Variants in PITPNC1 observed in about 807,000 individuals in gnomAD.
PITPNC1 encodes cytoplasmic phosphatidylinositol transfer protein 1.
A neutral mutation model predicts 44.7 loss-of-function variants in PITPNC1; 18 were observed. The observed-to-expected ratio is 0.40, with a 90% confidence interval of 0.28 to 0.60. The LOEUF (loss-of-function observed/expected upper bound fraction) is 0.60. Ranked by LOEUF, PITPNC1 falls within the 20% of genes least tolerant of loss-of-function variation. The pLI is 0.39. For synonymous variants in PITPNC1, 141 were observed against 149.6 expected, an observed-to-expected ratio of 0.94 and a Z score of 0.42; for missense variants, 290 against 418.4, an observed-to-expected ratio of 0.69 and a Z score of 2.68.
chr17:67,378,067 G>A lies in PITPNC1; in HGVS notation c.-88G>A. ...TCCGGCTCCGAGCGCCGGGCTCCGG[G>A]CGCCCTGCCCTGCGCCTGGGCAGCA... On this transcript the variant is annotated 5_prime_UTR_variant, in exon 1 of 9. Transcript: ENST00000581322. The A allele has an allele frequency of 1.3e-6, 1 of 799,246 alleles. No individual in the cohort carries two copies. The highest frequency in any genetic ancestry group is 1.8e-6 in the Non-Finnish European group (1 of 553,426). The allele number at this position is 799,246 out of a possible 1,614,324, so 49.5% of individuals were successfully genotyped here. A position where few individuals can be genotyped will look rare whatever the true frequency, so the allele number is the denominator to read the frequency against.
At chr17:67,422,083 C>T (rs1348089097) in intron 1 of PITPNC1, among the ~76,000 whole-genome samples, 2 of 152,124 alleles carry the variant, frequency 1.3e-5, no homozygotes, top group Non-Finnish European at 2.9e-5. Flanking sequence ...GGAAGTATGA[C>T]TCAATTGTGA....
At chr17:67,447,440 GTCTC>G (rs892323071) in intron 1 of PITPNC1, among the ~76,000 whole-genome samples, 1 of 151,912 alleles carries the variant, frequency 6.6e-6, no homozygotes, top group Non-Finnish European at 1.5e-5. Context: ...CTAGCTCCGG[GTCTC>G]TCTCTCTTTT....
intron 1 of PITPNC1, among the ~76,000 whole-genome samples, chr17:67,403,037 G>T (rs1241275199): frequency 6.6e-6 from 1 of 152,040 alleles, no homozygotes; most frequent in Admixed American, 6.6e-5. Flanking sequence ...TGGCAGATGT[G>T]ATAAGCATGC....
intron 5 of PITPNC1, among the ~76,000 whole-genome samples, chr17:67,622,256 CAA>C (rs536282843): frequency 1.1e-4 from 10 of 91,748 alleles, no homozygotes; most frequent in Admixed American, 2.4e-4. Flanking sequence ...GACTGCATCT[CAA>C]AAAAAAAAAA....
At chr17:67,621,923 C>G (rs1218643006) in intron 5 of PITPNC1, among the ~76,000 whole-genome samples, 2 of 152,050 alleles carry the variant, frequency 1.3e-5, no homozygotes, top group African/African-American at 4.8e-5. Flanking sequence ...TTGAGACGCA[C>G]CTGGGCAATG....
At chr17:67,532,544 T>C (rs2144128206) in intron 1 of PITPNC1, among the ~76,000 whole-genome samples, 1 of 152,182 alleles carries the variant, frequency 6.6e-6, no homozygotes, top group East Asian at 1.9e-4. Context: ...CTGCCAAAGC[T>C]TACAGACTGC....
chr17:67,515,376 G>A (rs2040246753), intron 1 of PITPNC1, among the ~76,000 whole-genome samples: 1 of 152,224 alleles, frequency 6.6e-6, no homozygotes, highest in Admixed American at 6.5e-5. Context: ...CCACAGAGGA[G>A]TTTGTGGTCT....
chr17:67,585,630 C>G (rs2041304166), intron 5 of PITPNC1, among the ~76,000 whole-genome samples: 1 of 152,022 alleles, frequency 6.6e-6, no homozygotes, highest in African/African-American at 2.4e-5. Context: ...TGGCAAAACC[C>G]CATCTGTACA....
At chr17:67,608,942 A>G (rs912035190) in intron 5 of PITPNC1, among the ~76,000 whole-genome samples, 5 of 152,116 alleles carry the variant, frequency 3.3e-5, no homozygotes, top group Non-Finnish European at 7.4e-5. Context: ...GGAATTCTGT[A>G]TTAGCAATAC....
chr17:67,691,032 G>A lies in PITPNC1; in HGVS notation c.683-1540G>A, dbSNP rs1402484661. 3.9e-5 allele frequency among the ~76,000 whole-genome samples: 6 copies of A among 152,240 alleles called. No individual in the cohort carries two copies. In the East Asian group the frequency reaches 1.2e-3, roughly 29 times the overall value. On this transcript the variant is annotated intron_variant, in intron 8 of 8. Coordinates refer to ENST00000581322, the MANE Select transcript of PITPNC1 (RefSeq NM_012417.4). Reference sequence around the variant, plus strand: ...GCAGGAGAATTACTTGAACCCAGGAGGTGGAGGTTGCAGTGAGCCAAGATC... The same window carrying A: ...GCAGGAGAATTACTTGAACCCAGGAAGTGGAGGTTGCAGTGAGCCAAGATC...
At chr17:67,644,645 G>A (rs940502381) in intron 6 of PITPNC1, among the ~76,000 whole-genome samples, 1 of 152,000 alleles carries the variant, frequency 6.6e-6, no homozygotes, top group African/African-American at 2.4e-5. Flanking sequence ...ACGTTGGTCA[G>A]GCTGCTCTCG....
At chr17:67,687,086 C>G (rs1308013616) in intron 8 of PITPNC1, 1 of 1,607,490 alleles carries the variant, frequency 6.2e-7, no homozygotes, top group Non-Finnish European at 8.5e-7. Flanking sequence ...GGATGATGTT[C>G]GGGAATACGA....
At chr17:67,479,956 A>G (rs1246696184) in intron 1 of PITPNC1, among the ~76,000 whole-genome samples, 1 of 152,368 alleles carries the variant, frequency 6.6e-6, no homozygotes, top group South Asian at 2.1e-4. Context: ...CGGATTCAAA[A>G]TGACTTTCCC....
At chr17:67,425,980 CTTTAT>C (rs2038759581) in intron 1 of PITPNC1, among the ~76,000 whole-genome samples, 1 of 152,304 alleles carries the variant, frequency 6.6e-6, no homozygotes, top group Middle Eastern at 3.4e-3. Flanking sequence ...TTCAATAAAA[CTTTAT>C]TTAACACATA....
At chr17:67,559,288 T>C (rs1442987919) in intron 4 of PITPNC1, among the ~76,000 whole-genome samples, 3 of 151,998 alleles carry the variant, frequency 2.0e-5, no homozygotes, top group Non-Finnish European at 4.4e-5. Context: ...ACCTCTAGGA[T>C]TGGGCTTGTT....
chr17:67,471,553 A>G (rs543252291), intron 1 of PITPNC1: 9 of 379,766 alleles, frequency 2.4e-5, no homozygotes, highest in African/African-American at 4.5e-5. Context: ...AAAAACCACA[A>G]TTACTTTTGC....
chr17:67,601,587 C>A (rs28472927), intron 5 of PITPNC1, among the ~76,000 whole-genome samples: 361 of 147,072 alleles, frequency 2.5e-3, no homozygotes, highest in African/African-American at 8.7e-3. Flanking sequence ...CCCATCTCTA[C>A]AAAAAAAAAA....
chr17:67,436,597 T>C (rs2038939974), intron 1 of PITPNC1, among the ~76,000 whole-genome samples: 2 of 152,140 alleles, frequency 1.3e-5, no homozygotes, highest in Non-Finnish European at 2.9e-5. Context: ...GGATATGTCC[T>C]TTTTGCAATG....
At chr17:67,397,103 C>T (rs548659859) in intron 1 of PITPNC1, among the ~76,000 whole-genome samples, 1 of 152,284 alleles carries the variant, frequency 6.6e-6, no homozygotes, top group South Asian at 2.1e-4. Context: ...GCCTCAGCCT[C>T]CCAAGTAGCT....
Sources: gnomAD v4.1 joint callset for allele counts (sites outside exome capture counted in the v4.1 genomes callset) on GRCh38, gnomAD v4.1.1 for gene constraint, MANE v1.5 for transcripts, NCBI Gene and HGNC (gene_info 2026-07-23, HGNC 2026-07-21) for gene names.